Variants in ANKS1B observed in about 807,000 individuals in gnomAD.
The protein encoded by ANKS1B is ankyrin repeat and sterile alpha motif domain containing 1B, also known as ankyrin repeat and sterile alpha motif domain-containing protein 1B.
Under a neutral mutation model 148.3 loss-of-function variants are expected in ANKS1B, and 36 were observed. The observed-to-expected ratio is 0.24, with a 90% confidence interval of 0.19 to 0.32. The LOEUF (loss-of-function observed/expected upper bound fraction) is 0.32. Among genes scored for constraint, ANKS1B ranks in the 10% least tolerant of loss-of-function variants. The pLI, the probability that ANKS1B is intolerant of heterozygous loss-of-function variation, is 1.00. For synonymous variants in ANKS1B, 542 were observed against 560.8 expected (o/e 0.97, Z 0.47); for missense variants, 1,157 against 1,542.6 (o/e 0.75, Z 4.19).
chr12:99,582,115 A>C (rs2097576678), intron 9 of ANKS1B, among the ~76,000 whole-genome samples: 1 of 152,076 alleles, frequency 6.6e-6, no homozygotes, highest in Non-Finnish European at 1.5e-5. Context: ...AAGATGCTTA[A>C]CATCATTGAT....
intron 14 of ANKS1B, among the ~76,000 whole-genome samples, chr12:99,215,435 GA>G (rs1188551300): frequency 6.6e-6 from 1 of 152,190 alleles, no homozygotes; most frequent in African/African-American, 2.4e-5. Context: ...CAGAGAGGTA[GA>G]GCCACTGACA....
chr12:99,917,623 T>G (rs1418724014), intron 1 of ANKS1B, among the ~76,000 whole-genome samples: 5 of 152,212 alleles, frequency 3.3e-5, no homozygotes, highest in Non-Finnish European at 7.3e-5. Flanking sequence ...TGATGGTTAT[T>G]CAAACATGCT....
At chr12:99,450,277 T>A (rs1054953584) in intron 10 of ANKS1B, among the ~76,000 whole-genome samples, 21 of 152,246 alleles carry the variant, frequency 1.4e-4, no homozygotes, top group African/African-American at 5.1e-4. Context: ...CCAATAACAG[T>A]AGGGTGGATG....
intron 1 of ANKS1B, among the ~76,000 whole-genome samples, chr12:99,874,688 T>C (rs2091894626): frequency 1.3e-5 from 2 of 152,178 alleles, no homozygotes; most frequent in African/African-American, 4.8e-5. Context: ...GTATTAGATA[T>C]GCAAGGAAGG....
chr12:99,876,331 AC>A (rs2092041812), intron 1 of ANKS1B, among the ~76,000 whole-genome samples: 1 of 152,146 alleles, frequency 6.6e-6, no homozygotes, highest in African/African-American at 2.4e-5. Context: ...CAAAAGCAAG[AC>A]CCTCTCTGCT....
chr12:99,256,249 C>CAA lies in ANKS1B; in HGVS notation c.1757-9387_1757-9386dup, dbSNP rs1249522263. ...TGGGTGACGGAGTGAAACTCCATCTCAAAAAAAAAAAAGAAAAAAAAAAGA... is the reference window on the plus strand; with the variant it reads ...TGGGTGACGGAGTGAAACTCCATCTCAAAAAAAAAAAAAAGAAAAAAAAAAGA... On this transcript the variant is annotated intron_variant, in intron 12 of 26. Coordinates refer to ENST00000683438, the MANE Select transcript of ANKS1B (RefSeq NM_001352186.2). Among the ~76,000 whole-genome samples, 6 of 74,506 alleles carry CAA rather than the reference C, an allele frequency of 8.1e-5. No homozygotes were observed. In the South Asian group the frequency reaches 2.4e-3, roughly 30 times the overall value. The allele number at this position is 74,506 out of a possible 152,430, so 48.9% of individuals were successfully genotyped here. A position where few individuals can be genotyped will look rare whatever the true frequency, so the allele number is the denominator to read the frequency against.
At chr12:98,757,553 C>T (rs2098279835) in intron 25 of ANKS1B, among the ~76,000 whole-genome samples, 1 of 152,246 alleles carries the variant, frequency 6.6e-6, no homozygotes, top group Admixed American at 6.5e-5. Flanking sequence ...TGGAGCCACC[C>T]GGTCCCCTGG....
At chr12:99,066,565 G>A (rs929481306) in intron 16 of ANKS1B, among the ~76,000 whole-genome samples, 1 of 152,168 alleles carries the variant, frequency 6.6e-6, no homozygotes, top group Non-Finnish European at 1.5e-5. Context: ...GAGGGAAATG[G>A]GGAGTCAGGG....
intron 8 of ANKS1B, among the ~76,000 whole-genome samples, chr12:99,662,575 C>T (rs1423657652): frequency 1.3e-5 from 2 of 152,156 alleles, no homozygotes; most frequent in African/African-American, 2.4e-5. Flanking sequence ...CTAAGAGGAA[C>T]CAATGTAACT....
chr12:98,923,734 C>A (rs1445715188), intron 17 of ANKS1B, among the ~76,000 whole-genome samples: 1 of 152,174 alleles, frequency 6.6e-6, no homozygotes, highest in South Asian at 2.1e-4. Flanking sequence ...CTAACTTTGA[C>A]AACTGGGGAA....
At chr12:99,683,016 T>C (rs1242766153) in intron 8 of ANKS1B, among the ~76,000 whole-genome samples, 1 of 152,172 alleles carries the variant, frequency 6.6e-6, no homozygotes, top group East Asian at 1.9e-4. Flanking sequence ...ACGTCATACA[T>C]GGCAGCAGAC....
At chr12:98,828,265 C>T (rs914801411) in intron 19 of ANKS1B, among the ~76,000 whole-genome samples, 2 of 152,188 alleles carry the variant, frequency 1.3e-5, no homozygotes, top group African/African-American at 4.8e-5. Flanking sequence ...CTCTCGTGAG[C>T]TGCAGCATAC....
chr12:99,412,696 T>G (rs1420799259), intron 11 of ANKS1B, among the ~76,000 whole-genome samples: 3 of 152,002 alleles, frequency 2.0e-5, no homozygotes, highest in Non-Finnish European at 4.4e-5. Flanking sequence ...TTTTACCATT[T>G]TGATTGCAAG....
At chr12:99,959,303 T>C (rs2095373624) in intron 1 of ANKS1B, among the ~76,000 whole-genome samples, 1 of 147,542 alleles carries the variant, frequency 6.8e-6, no homozygotes, top group Non-Finnish European at 1.5e-5. Context: ...GGTCTCGATC[T>C]CCTGACCTCA....
intron 9 of ANKS1B, among the ~76,000 whole-genome samples, chr12:99,594,905 T>C (rs955406779): frequency 2.6e-5 from 4 of 151,972 alleles, no homozygotes; most frequent in Admixed American, 1.3e-4. Flanking sequence ...TTATGGTTCA[T>C]AGAACTGGCC....
At chr12:98,816,920 TA>T (rs1461609711) in intron 19 of ANKS1B, among the ~76,000 whole-genome samples, 1 of 151,248 alleles carries the variant, frequency 6.6e-6, no homozygotes, top group Non-Finnish European at 1.5e-5. Flanking sequence ...GCTAATCTAA[TA>T]AAGAAACTTT....
intron 8 of ANKS1B, among the ~76,000 whole-genome samples, chr12:99,657,549 A>C (rs1317021673): frequency 2.0e-5 from 3 of 151,920 alleles, no homozygotes; most frequent in Non-Finnish European, 4.4e-5. Context: ...TTCTCAAATC[A>C]ATAATAGAAG....
chr12:98,789,965 G>A (rs2098833081), intron 22 of ANKS1B, among the ~76,000 whole-genome samples: 1 of 152,258 alleles, frequency 6.6e-6, no homozygotes, highest in Non-Finnish European at 1.5e-5. Context: ...ACAAGCATAA[G>A]ATGTTAACAG....
At chr12:99,441,525 G>A (rs1385287646) in intron 11 of ANKS1B, among the ~76,000 whole-genome samples, 1 of 151,926 alleles carries the variant, frequency 6.6e-6, no homozygotes, top group Admixed American at 6.6e-5. Context: ...GTGGAAGAAA[G>A]AGTAGCCTAA....
Sources: gnomAD v4.1 joint callset for allele counts (sites outside exome capture counted in the v4.1 genomes callset) on GRCh38, gnomAD v4.1.1 for gene constraint, MANE v1.5 for transcripts, NCBI Gene and HGNC (gene_info 2026-07-23, HGNC 2026-07-21) for gene names.